The following TRAF3 variants were observed in gnomAD, a reference collection of about 807,000 sequenced individuals.
TRAF3 encodes the protein TNF receptor associated factor 3.
In TRAF3, 13 loss-of-function variants were observed where a neutral mutation model predicts 62.3. The observed-to-expected ratio is 0.21, with a 90% CI of 0.14 to 0.33. TRAF3 has a LOEUF of 0.33. TRAF3 is among the 10% of genes least tolerant of loss of function. TRAF3 has a pLI of 1.00. For synonymous variants in TRAF3, 269 were observed against 283.4 expected, an observed-to-expected ratio of 0.95 and a Z score of 0.51; for missense variants, 440 against 741.8, an observed-to-expected ratio of 0.59 and a Z score of 4.73.
At chr14:102,862,453 C>G (rs1237153297) in intron 2 of TRAF3, among the ~76,000 whole-genome samples, 1 of 151,200 alleles carries the variant, frequency 6.6e-6, no homozygotes, top group Non-Finnish European at 1.5e-5. Flanking sequence ...TCTTTCAGCC[C>G]TTTAATTTGT....
intron 1 of TRAF3, among the ~76,000 whole-genome samples, chr14:102,821,231 C>A (rs1037638221): frequency 2.6e-5 from 4 of 152,160 alleles, no homozygotes; most frequent in Non-Finnish European, 5.9e-5. Context: ...GTCCAAGGTA[C>A]TTGACTTAAT....
At chr14:102,847,994 A>G (rs1461600867) in intron 2 of TRAF3, among the ~76,000 whole-genome samples, 3 of 152,170 alleles carry the variant, frequency 2.0e-5, no homozygotes, top group Non-Finnish European at 4.4e-5. Flanking sequence ...TCCAAGGCCT[A>G]CTTTCCAAAA....
chr14:102,894,800 C>G (rs1889914105), intron 9 of TRAF3, among the ~76,000 whole-genome samples: 1 of 152,144 alleles, frequency 6.6e-6, no homozygotes, highest in South Asian at 2.1e-4. Flanking sequence ...CTCCTGGGCT[C>G]AAGTGATCCC....
At chr14:102,895,767 TA>T (rs1161471933) in intron 9 of TRAF3, among the ~76,000 whole-genome samples, 1 of 152,230 alleles carries the variant, frequency 6.6e-6, no homozygotes, top group Non-Finnish European at 1.5e-5. Flanking sequence ...GGGAGCTAAT[TA>T]TCTTTCAGAA....
Position 102,871,979 on chromosome 14 carries a change from G to T in TRAF3, c.297+11G>T, listed in dbSNP as rs945150600. 86 of 1,612,270 alleles carry T rather than the reference G, an allele frequency of 5.3e-5. No homozygotes were observed. The highest frequency in any genetic ancestry group is 3.3e-4 in the Middle Eastern group (2 of 6,082). Reference sequence around the variant, plus strand: ...ATCGTTAAAGATAAGGTATTCTGGGGTTTTTTTTAATCATTTTGTCACATG... The same window carrying T: ...ATCGTTAAAGATAAGGTATTCTGGGTTTTTTTTTAATCATTTTGTCACATG... On this transcript the variant is annotated intron_variant, in intron 4 of 11. Transcript: ENST00000392745.
intron 11 of TRAF3, 123 bp from the exon 12 acceptor site, chr14:102,905,090 C>A: frequency 9.7e-7 from 1 of 1,027,800 alleles, no homozygotes; most frequent in Non-Finnish European, 1.5e-6. Context: ...CCAGTCTGGG[C>A]AACAGAGCGA....
chr14:102,792,966 T>C (rs1171562232), intron 1 of TRAF3, among the ~76,000 whole-genome samples: 1 of 151,838 alleles, frequency 6.6e-6, no homozygotes, highest in African/African-American at 2.4e-5. Context: ...TGCACCATCA[T>C]GCCTGGCTAA....
chr14:102,847,914 C>T (rs180703392), intron 2 of TRAF3, among the ~76,000 whole-genome samples: 10 of 151,988 alleles, frequency 6.6e-5, no homozygotes, highest in South Asian at 2.1e-4. Flanking sequence ...AAATAATAGA[C>T]GTCATACCTC....
intron 9 of TRAF3, among the ~76,000 whole-genome samples, chr14:102,891,844 G>A (rs1050792029): frequency 1.8e-4 from 28 of 152,048 alleles, no homozygotes; most frequent in African/African-American, 6.5e-4. Flanking sequence ...TGACTACTTG[G>A]CTCTTTACAG....
chr14:102,805,971 C>T (rs532345015), intron 1 of TRAF3, among the ~76,000 whole-genome samples: 6 of 141,930 alleles, frequency 4.2e-5, no homozygotes, highest in African/African-American at 1.3e-4. Flanking sequence ...ATGGAAAGAC[C>T]ACTGGGTCTG....
chr14:102,813,458 C>CT (rs913736425), intron 1 of TRAF3, among the ~76,000 whole-genome samples: 16 of 140,480 alleles, frequency 1.1e-4, no homozygotes, highest in South Asian at 2.2e-4. Context: ...CTTTTCTTTT[C>CT]TTTTTTTTTT....
chr14:102,856,704 A>G (rs1158621007), intron 2 of TRAF3, among the ~76,000 whole-genome samples: 3 of 152,102 alleles, frequency 2.0e-5, no homozygotes, highest in Non-Finnish European at 4.4e-5. Context: ...TCTCTGGTTC[A>G]GACACCCCTG....
intron 6 of TRAF3, among the ~76,000 whole-genome samples, chr14:102,879,243 CCAT>C (rs1363437077): frequency 1.3e-5 from 2 of 152,100 alleles, no homozygotes. Context: ...AGGGCGTGGG[CCAT>C]CATCCAGTTC....
intron 9 of TRAF3, 61 bp from the exon 10 acceptor site, chr14:102,897,200 T>A: frequency 1.4e-6 from 2 of 1,469,580 alleles, no homozygotes; most frequent in African/African-American, 1.4e-5. Flanking sequence ...TTAATTGATA[T>A]TGTTGTTAAT....
At chr14:102,778,786 T>C (rs557611209) in intron 1 of TRAF3, among the ~76,000 whole-genome samples, 2 of 152,342 alleles carry the variant, frequency 1.3e-5, no homozygotes, top group East Asian at 3.9e-4. Context: ...GCTGTTACCC[T>C]GTATTTGTCT....
At chr14:102,818,070 T>C (rs545083741) in intron 1 of TRAF3, among the ~76,000 whole-genome samples, 1 of 151,992 alleles carries the variant, frequency 6.6e-6, no homozygotes, top group Admixed American at 6.6e-5. Flanking sequence ...AGAGATGAGG[T>C]GGTGGAGGCA....
intron 1 of TRAF3, among the ~76,000 whole-genome samples, chr14:102,791,221 G>T (rs957241077): frequency 1.3e-5 from 2 of 151,884 alleles, no homozygotes; most frequent in African/African-American, 4.8e-5. Flanking sequence ...GGGTTTAACT[G>T]TGTTAGCCAG....
In TRAF3 at chr14:102,897,257, T is replaced by A. The variant is rs1890053183; in HGVS notation, c.820-4T>A. The A allele has an allele frequency of 6.2e-7, 1 of 1,610,946 alleles. No homozygotes were observed. The highest frequency in any genetic ancestry group is 8.5e-7 in the Non-Finnish European group (1 of 1,178,598). On this transcript the variant is annotated splice_polypyrimidine_tract_variant and splice_region_variant and intron_variant, in intron 9 of 11. Coordinates refer to ENST00000392745, the MANE Select transcript of TRAF3 (RefSeq NM_145725.3). ...TTACATTAATTAAAGAATTTCTTTT[T>A]TAGGTTTCCTTGTTGCAGAATGAAA...
intron 1 of TRAF3, among the ~76,000 whole-genome samples, chr14:102,788,749 G>T (rs1161029943): frequency 6.6e-6 from 1 of 152,174 alleles, no homozygotes; most frequent in Non-Finnish European, 1.5e-5. Context: ...AGTGAGCTGA[G>T]ATCACGCCAC....
Sources: gnomAD v4.1 joint callset for allele counts (sites outside exome capture counted in the v4.1 genomes callset) on GRCh38, gnomAD v4.1.1 for gene constraint, MANE v1.5 for transcripts, NCBI Gene and HGNC (gene_info 2026-07-23, HGNC 2026-07-21) for gene names.